LARP4: variants seen among roughly 807,000 people sequenced by gnomAD.
The protein encoded by LARP4 is la-related protein 4.
A neutral mutation model predicts 92.9 loss-of-function variants in LARP4; 29 were observed. The observed-to-expected ratio is 0.31, with a 90% CI of 0.23 to 0.43. LARP4 has a LOEUF of 0.43. Ranked by LOEUF, LARP4 falls within the 20% of genes least tolerant of loss-of-function variation. The probability of loss-of-function intolerance (pLI) is 1.00; values close to 1 mark genes in which losing one functional copy is unlikely to be tolerated. For synonymous variants in LARP4, 279 were observed against 284.1 expected (o/e 0.98, Z 0.18); for missense variants, 732 against 860.0 (o/e 0.85, Z 1.86).
intron 13 of LARP4, among the ~76,000 whole-genome samples, chr12:50,469,141 T>C (rs1956572490): frequency 6.6e-6 from 1 of 152,180 alleles, no homozygotes; most frequent in Non-Finnish European, 1.5e-5. Context: ...ATTTCTGTAT[T>C]GGATTCTCTA....
chr12:50,476,068 C>A lies in LARP4; in HGVS notation c.*204C>A. 2.7e-6 allele frequency: 1 copy of A among 370,774 alleles called. No homozygotes were observed. 23.0% of individuals were successfully genotyped at this position (370,774 alleles called of 1,614,324 possible). A position where few individuals can be genotyped will look rare whatever the true frequency, so the allele number is the denominator to read the frequency against. ...TTTTTAAATGCTGGAGGATTCCAAT[C>A]AATATAAATATATATATATATATAC... On this transcript the variant is annotated 3_prime_UTR_variant, in exon 16 of 16. Coordinates refer to ENST00000398473, the MANE Select transcript of LARP4 (RefSeq NM_052879.5).
chr12:50,472,279 T>TA (rs1265275877), intron 13 of LARP4, among the ~76,000 whole-genome samples: 5 of 152,114 alleles, frequency 3.3e-5, no homozygotes, highest in Admixed American at 6.6e-5. Context: ...CTCCAGAACT[T>TA]ACAATCTTTC....
chr12:50,461,113 T>C lies in LARP4; in HGVS notation c.1122-22T>C, dbSNP rs147370037. 1.1e-4 allele frequency: 174 copies of C among 1,576,862 alleles called. 1 individual carries two copies. The African/African-American group carries it at 2.1e-3, about 19-fold the overall frequency. ...CTGTCTCGATTTACTGCTTTGTGTATATCATTTTGTATTTCCTATAGTGTG... is the reference window on the plus strand; with the variant it reads ...CTGTCTCGATTTACTGCTTTGTGTACATCATTTTGTATTTCCTATAGTGTG... On this transcript the variant is annotated intron_variant, in intron 10 of 15. Coordinates refer to ENST00000398473, the MANE Select transcript of LARP4 (RefSeq NM_052879.5).
At chr12:50,448,804 C>T (rs1017547567) in intron 8 of LARP4, among the ~76,000 whole-genome samples, 4 of 152,210 alleles carry the variant, frequency 2.6e-5, no homozygotes, top group Admixed American at 6.5e-5. Context: ...GGATTGCAGG[C>T]GTGAGCCACT....
At chr12:50,432,796 G>T (rs1949850653) in intron 4 of LARP4, among the ~76,000 whole-genome samples, 1 of 147,432 alleles carries the variant, frequency 6.8e-6, no homozygotes, top group African/African-American at 2.5e-5. Context: ...GGAGGTGGAG[G>T]TTGCAGTGAG....
At chr12:50,473,066 C>T (rs1239535797) in intron 13 of LARP4, among the ~76,000 whole-genome samples, 7 of 152,114 alleles carry the variant, frequency 4.6e-5, no homozygotes, top group Non-Finnish European at 8.8e-5. Context: ...GTGATCCACC[C>T]GCCTCAGCCT....
chr12:50,479,379 T>A lies in LARP4; in HGVS notation c.*3515T>A, dbSNP rs1957739507. The A allele has an allele frequency of 6.6e-6, 1 of 152,168 alleles. No homozygotes were observed. Among genetic ancestry groups the A allele is most frequent in the African/African-American group, 2.4e-5 (1 of 41,454 alleles). 9.4% of individuals were successfully genotyped at this position (152,168 alleles called of 1,614,324 possible). On this transcript the variant is annotated 3_prime_UTR_variant, in exon 16 of 16. Transcript: ENST00000398473. ...TATTAACTATAATATATGATGGATT[T>A]TTTCCTAATTTTTTATATTTCCTTA...
intron 13 of LARP4, among the ~76,000 whole-genome samples, chr12:50,468,549 G>A (rs533677905): frequency 2.0e-5 from 3 of 151,824 alleles, no homozygotes; most frequent in South Asian, 2.1e-4. Context: ...CGCCCGTCTC[G>A]GCCTCCCAAA....
chr12:50,434,058 C>CT (rs1458178532), intron 4 of LARP4, among the ~76,000 whole-genome samples: 2 of 152,128 alleles, frequency 1.3e-5, no homozygotes, highest in Non-Finnish European at 1.5e-5. Context: ...TATATTCTGA[C>CT]TGTGAGAACA....
chr12:50,401,685 A>G (rs1440034882), intron 1 of LARP4, among the ~76,000 whole-genome samples: 1 of 152,138 alleles, frequency 6.6e-6, no homozygotes, highest in African/African-American at 2.4e-5. Flanking sequence ...TGCGTGATGA[A>G]GGGTTGGTTC....
chr12:50,413,986 A>G (rs899884356), intron 1 of LARP4, among the ~76,000 whole-genome samples: 4 of 152,158 alleles, frequency 2.6e-5, no homozygotes, highest in Non-Finnish European at 5.9e-5. Context: ...ATGTTTTTAT[A>G]TATCTCAGTT....
rs1957568946 is a variant in LARP4, at chr12:50,476,833, A to C, written c.*969A>C. 1 of 152,592 alleles carries C rather than the reference A, an allele frequency of 6.6e-6. No homozygotes were observed. Among genetic ancestry groups the C allele is most frequent in the South Asian group, 2.1e-4 (1 of 4,830 alleles). The allele number at this position is 152,592 out of a possible 1,614,324, so 9.5% of individuals were successfully genotyped here. On this transcript the variant is annotated 3_prime_UTR_variant, in exon 16 of 16. Coordinates refer to ENST00000398473, the MANE Select transcript of LARP4 (RefSeq NM_052879.5). ...TGTAATTGCTTTGAGCAGTCTAGTC[A>C]AATCATATAAATTGTTCTAAATTTC... is the stretch of plus-strand genomic sequence containing the variant.
intron 8 of LARP4, among the ~76,000 whole-genome samples, chr12:50,447,989 C>G (rs1376094411): frequency 6.6e-6 from 1 of 152,120 alleles, no homozygotes; most frequent in Non-Finnish European, 1.5e-5. Flanking sequence ...GCCTCAGCCT[C>G]CCGAGTAGCT....
intron 1 of LARP4, among the ~76,000 whole-genome samples, chr12:50,422,829 T>C (rs936346769): frequency 7.1e-6 from 1 of 141,162 alleles, no homozygotes; most frequent in African/African-American, 2.8e-5. Flanking sequence ...ATTATTATTA[T>C]TATTTTTGAG....
At chr12:50,463,147 C>T (rs978586740) in intron 12 of LARP4, among the ~76,000 whole-genome samples, 7 of 151,632 alleles carry the variant, frequency 4.6e-5, no homozygotes, top group East Asian at 3.9e-4. Flanking sequence ...CCTCTCGAGT[C>T]GGGGTCTTGC....
intron 1 of LARP4, among the ~76,000 whole-genome samples, chr12:50,409,604 A>G (rs1945466958): frequency 6.6e-6 from 1 of 151,922 alleles, no homozygotes; most frequent in African/African-American, 2.4e-5. Context: ...CTACCAAAAA[A>G]TATACAAAAA....
chr12:50,401,137 G>A, intron 1 of LARP4, 109 bp downstream of exon 1: 2 of 1,256,768 alleles, frequency 1.6e-6, no homozygotes, highest in Non-Finnish European at 2.3e-6. Context: ...CCGCGGAACC[G>A]GCAGATAGGC....
chr12:50,430,602 T>TC, intron 4 of LARP4, 32 bp downstream of exon 4: 1 of 1,288,576 alleles, frequency 7.8e-7, no homozygotes, highest in Non-Finnish European at 1.1e-6. Flanking sequence ...TGAATTTTAT[T>TC]AGTAGATGTA....
Position 50,462,617 on chromosome 12 carries a change from A to G in LARP4, c.1370A>G (p.Asp457Gly). 6.3e-7 allele frequency: 1 copy of G among 1,595,564 alleles called. No homozygotes were observed. Residue 457 changes from aspartate to glycine, a missense_variant, in exon 12 of 16, where the codon GAT becomes GGT. By Grantham distance (94) the Asp-to-Gly change is moderately conservative. Transcript: ENST00000398473. ...TLFRGRRRREDDRISRPHPST... is the reference protein window; with the variant it reads ...TLFRGRRRREGDRISRPHPST... ...TTCAGAGGTCGAAGACGACGAGAAG[A>G]TGACAGGATCTCAGTAAGTTTTTTA...
Sources: gnomAD v4.1 joint callset for allele counts (sites outside exome capture counted in the v4.1 genomes callset) on GRCh38, gnomAD v4.1.1 for gene constraint, MANE v1.5 for transcripts, NCBI Gene and HGNC (gene_info 2026-07-23, HGNC 2026-07-21) for gene names.